The following QSER1 variants were observed in gnomAD, a reference collection of about 807,000 sequenced individuals.
The protein encoded by QSER1 is glutamine and serine rich 1.
A neutral mutation model predicts 158.5 loss-of-function variants in QSER1; 49 were observed. The observed-to-expected ratio is 0.31, with a 90% confidence interval of 0.25 to 0.39. The LOEUF is 0.39. Among genes scored for constraint, QSER1 ranks in the 10% least tolerant of loss-of-function variants. QSER1 has a pLI of 1.00. For synonymous variants in QSER1, 650 were observed against 715.5 expected (o/e 0.91, Z 1.46); for missense variants, 1,754 against 2,010.3 (o/e 0.87, Z 2.44).
rs1318276075 is a variant in QSER1 at position 32,933,695 on chromosome 11, C to T, written c.2437C>T (p.Leu813Phe). Residue 813 changes from leucine to phenylalanine, a missense_variant, in exon 4 of 13, where the codon CTT becomes TTT. Physicochemically the swap from Leu to Phe is conservative, Grantham distance 22. This residue lies in a region of QSER1 where 1,707 missense variants were observed against 1,919.6 expected (regional missense o/e 0.89). Coordinates refer to ENST00000650167, the MANE Select transcript of QSER1 (RefSeq NM_001076786.3). ...KDLKQQHPLI[L>F]KVHESKVQEQ... The stretch of plus-strand genomic sequence containing the variant: ...CTTAAAGCAGCAACATCCTCTCATA[C>T]TTAAGGTGCATGAGTCCAAGGTCCA... The T allele has an allele frequency of 3.7e-6, 6 of 1,613,682 alleles. No individual in the cohort carries two copies. In the African/African-American group the frequency reaches 5.3e-5, roughly 14 times the overall value.
chr11:32,935,594 C>T (rs576372978), intron 4 of QSER1, among the ~76,000 whole-genome samples, 159 bp downstream of exon 4: 1 of 152,158 alleles, frequency 6.6e-6, no homozygotes, highest in Non-Finnish European at 1.5e-5. Flanking sequence ...TTAAATTTTT[C>T]TTGCCTATAG....
intron 4 of QSER1, among the ~76,000 whole-genome samples, chr11:32,938,270 G>T (rs1163987269): frequency 1.3e-5 from 2 of 152,176 alleles, no homozygotes; most frequent in African/African-American, 4.8e-5. Flanking sequence ...CACAACCTGA[G>T]TCATTAATTG....
intron 2 of QSER1, among the ~76,000 whole-genome samples, 155 bp downstream of exon 2, chr11:32,927,424 T>C (rs1319268915): frequency 1.3e-5 from 2 of 152,212 alleles, no homozygotes; most frequent in African/African-American, 2.4e-5. Flanking sequence ...GTTTTTATTT[T>C]TGACATGGAG....
rs954865703 is a variant in QSER1, at chr11:32,977,721, CTTGTGTTTTAT to C, written c.*1256_*1266del. 2.6e-5 allele frequency: 4 copies of C among 152,556 alleles called. No individual in the cohort carries two copies. The highest frequency in any genetic ancestry group is 9.7e-5 in the African/African-American group (4 of 41,428). The allele number at this position is 152,556 out of a possible 1,614,324, so 9.5% of individuals were successfully genotyped here. Reference sequence around the variant, plus strand: ...GTGAATGTATTAGGTTCAACATGACCTTGTGTTTTATTTGTGTTTGCCAACAGGATGCCTTA... The same window carrying C: ...GTGAATGTATTAGGTTCAACATGACCTTGTGTTTGCCAACAGGATGCCTTA... On this transcript the variant is annotated 3_prime_UTR_variant, in exon 13 of 13. Coordinates refer to ENST00000650167, the MANE Select transcript of QSER1 (RefSeq NM_001076786.3).
rs946666396 is a variant in QSER1, at chr11:32,976,825, A to AT, written c.*361dup. On this transcript the variant is annotated 3_prime_UTR_variant, in exon 13 of 13. Coordinates refer to ENST00000650167, the MANE Select transcript of QSER1 (RefSeq NM_001076786.3). Reference sequence around the variant, plus strand: ...TAGAGAAGTAACACTTAAAGTAACGATTTTTTTTTTCTGACTCCGGCTAAA... The same window carrying AT: ...TAGAGAAGTAACACTTAAAGTAACGATTTTTTTTTTTCTGACTCCGGCTAAA... The AT allele has an allele frequency of 3.0e-3, 586 of 198,422 alleles. No individual in the cohort carries two copies. The highest frequency in any genetic ancestry group is 7.5e-3 in the South Asian group (87 of 11,546). The allele number at this position is 198,422 out of a possible 1,614,324, so 12.3% of individuals were successfully genotyped here.
At chr11:32,919,723 C>G (rs1012876881) in intron 1 of QSER1, among the ~76,000 whole-genome samples, 1 of 152,222 alleles carries the variant, frequency 6.6e-6, no homozygotes, top group East Asian at 1.9e-4. Context: ...CTCCCTCCTT[C>G]AGGGTAGAGA....
chr11:32,943,130 T>G (rs1021149249), intron 4 of QSER1, among the ~76,000 whole-genome samples: 3 of 152,106 alleles, frequency 2.0e-5, no homozygotes, highest in African/African-American at 7.2e-5. Context: ...AAGGAGATTT[T>G]GGGCTGAGAC....
chr11:32,973,514 C>T lies in QSER1; in HGVS notation c.5323C>T (p.Leu1775=). ...TGGCAAAGCCTATAATAAGAAAACT[C>T]TAAGGACTTCTAAAACAACCACCAA... is the stretch of plus-strand genomic sequence containing the variant. ...MNGKAYNKKT[L]RTSKTTTKSA... is the part of the protein sequence containing the mutation. The change falls in exon 11 of 13, where the codon CTA becomes TTA. Residue 1775 remains leucine (L), a synonymous_variant. Coordinates refer to ENST00000650167, the MANE Select transcript of QSER1 (RefSeq NM_001076786.3). The T allele has an allele frequency of 6.2e-7, 1 of 1,611,872 alleles. No homozygotes were observed. The highest frequency in any genetic ancestry group is 8.5e-7 in the Non-Finnish European group (1 of 1,179,400).
Position 32,892,979 on chromosome 11 carries a change from C to T in QSER1, c.-147C>T, listed in dbSNP as rs1851501144. Among the ~76,000 whole-genome samples, 1 of 148,134 alleles carries T rather than the reference C, an allele frequency of 6.8e-6. No homozygotes were observed. On this transcript the variant is annotated 5_prime_UTR_variant, in exon 1 of 13. Transcript: ENST00000650167. Reference sequence around the variant, plus strand: ...ACTCGCCAGCGCGCCCTTCTCCCGCCTGCTCGCCGGGGCCATGTGAGGGGG... The same window carrying T: ...ACTCGCCAGCGCGCCCTTCTCCCGCTTGCTCGCCGGGGCCATGTGAGGGGG...
chr11:32,957,271 A>C (rs1489792051), intron 7 of QSER1, among the ~76,000 whole-genome samples: 2 of 150,282 alleles, frequency 1.3e-5, no homozygotes, highest in Non-Finnish European at 3.0e-5. Flanking sequence ...CCTCCCGAGT[A>C]GCTGGGACTA....
intron 4 of QSER1, among the ~76,000 whole-genome samples, chr11:32,953,015 C>A (rs1043719751): frequency 1.4e-4 from 21 of 151,940 alleles, no homozygotes; most frequent in East Asian, 3.9e-4. Context: ...GTTGGTCAGG[C>A]TGGTCTCAAA....
chr11:32,927,120 C>T (rs979279245), intron 1 of QSER1, 37 bp from the exon 2 acceptor site: 1 of 152,540 alleles, frequency 6.6e-6, no homozygotes, highest in Non-Finnish European at 1.5e-5. Flanking sequence ...ATGGTTTGGA[C>T]TGTGTATTTT....
At chr11:32,926,654 T>G (rs904032504) in intron 1 of QSER1, 1 of 152,184 alleles carries the variant, frequency 6.6e-6, no homozygotes, top group African/African-American at 2.4e-5. Flanking sequence ...GAGCTTGAAG[T>G]TTTCTCAGTG....
intron 1 of QSER1, among the ~76,000 whole-genome samples, chr11:32,920,748 C>T (rs1851889768): frequency 6.6e-6 from 1 of 152,152 alleles, no homozygotes; most frequent in Admixed American, 6.5e-5. Context: ...TCAGTAAGCA[C>T]ATGCAGAGAT....
chr11:32,948,550 G>C (rs1434155545), intron 4 of QSER1, among the ~76,000 whole-genome samples: 1 of 152,160 alleles, frequency 6.6e-6, no homozygotes, highest in Non-Finnish European at 1.5e-5. Flanking sequence ...TATCGGGTGA[G>C]CCCAGGAGTT....
intron 1 of QSER1, among the ~76,000 whole-genome samples, chr11:32,895,339 C>T (rs1464477544): frequency 6.6e-6 from 1 of 152,164 alleles, no homozygotes; most frequent in East Asian, 1.9e-4. Context: ...ACCCCCCTCC[C>T]CCGCCAGCCT....
Position 32,933,085 on chromosome 11 carries a change from G to A in QSER1, c.1827G>A (p.Arg609=), listed in dbSNP as rs766419986. 1.2e-6 allele frequency: 2 copies of A among 1,613,588 alleles called. No homozygotes were observed. The highest frequency in any genetic ancestry group is 2.7e-5 in the African/African-American group (2 of 74,854). Residue 609 remains arginine, a synonymous_variant, in exon 4 of 13, where the codon CGG becomes CGA. Transcript: ENST00000650167. Reference sequence around the variant, plus strand: ...CTCTTTCTTATTCTTCTGCCTCTCGGGCTCAGAATTTGCCAGACTCTAGCC... The same window carrying A: ...CTCTTTCTTATTCTTCTGCCTCTCGAGCTCAGAATTTGCCAGACTCTAGCC... ...APSLSYSSAS[R]AQNLPDSSPT...
At chr11:32,926,203 A>C (rs1183005488) in intron 1 of QSER1, 1 of 152,218 alleles carries the variant, frequency 6.6e-6, no homozygotes, top group African/African-American at 2.4e-5. Context: ...TAAGTTAGAG[A>C]AATAACCAAA....
At chr11:32,899,579 A>G (rs746272147) in intron 1 of QSER1, among the ~76,000 whole-genome samples, 1 of 152,142 alleles carries the variant, frequency 6.6e-6, no homozygotes, top group Non-Finnish European at 1.5e-5. Flanking sequence ...TCAAGTGACA[A>G]GCATGCAATC....
Sources: gnomAD v4.1 joint callset for allele counts (sites outside exome capture counted in the v4.1 genomes callset) on GRCh38, gnomAD v4.1.1 for gene constraint, gnomAD v4.1.1 regional missense constraint, MANE v1.5 for transcripts, NCBI Gene and HGNC (gene_info 2026-07-23, HGNC 2026-07-21) for gene names.